The following INPP5A variants were observed in gnomAD, a reference collection of about 807,000 sequenced individuals.
INPP5A encodes inositol polyphosphate-5-phosphatase A, also known as 43 kDa inositol polyphosphate 5-phophatase.
INPP5A carries 14 observed loss-of-function variants against 65.2 expected under a neutral mutation model. The observed-to-expected ratio is 0.21, with a 90% CI of 0.14 to 0.34. The LOEUF (loss-of-function observed/expected upper bound fraction) is 0.34. Ranked by LOEUF, INPP5A falls within the 10% of genes least tolerant of loss-of-function variation. The probability of loss-of-function intolerance (pLI) is 1.00; values close to 1 mark genes in which losing one functional copy is unlikely to be tolerated. For synonymous variants in INPP5A, 207 were observed against 208.3 expected (o/e 0.99, Z 0.05); for missense variants, 431 against 545.6 (o/e 0.79, Z 2.09).
rs944231172 is a variant in INPP5A, at chr10:132,650,234, G to A, written c.219-184G>A. 6.6e-6 allele frequency among the ~76,000 whole-genome samples: 1 copy of A among 152,198 alleles called. No individual in the cohort carries two copies. The highest frequency in any genetic ancestry group is 2.4e-5 in the African/African-American group (1 of 41,464). ...GGAGCTTGAGCTCTGCACATGCTGA[G>A]AGCTGAACGTGAGGCCAGCTCCTGC... On this transcript the variant is annotated intron_variant, in intron 3 of 15. Transcript: ENST00000368594. This position sits in a 1 kb window ranked among gnomAD's most constrained non-coding sequence, Gnocchi z 5.5.
intron 8 of INPP5A, among the ~76,000 whole-genome samples, chr10:132,723,586 C>T (rs1267890457): frequency 1.2e-5 from 1 of 86,634 alleles, no homozygotes; most frequent in African/African-American, 5.2e-5. Context: ...GGGGATTGGC[C>T]GTGTGGGGAT....
chr10:132,736,718 T>G (rs115063833), intron 9 of INPP5A, among the ~76,000 whole-genome samples: 9 of 152,210 alleles, frequency 5.9e-5, no homozygotes, highest in Admixed American at 2.6e-4. Context: ...CCTCAGACAT[T>G]CCTGGCGCCC....
At chr10:132,737,445 C>A (rs1846198003) in intron 9 of INPP5A, among the ~76,000 whole-genome samples, 1 of 145,274 alleles carries the variant, frequency 6.9e-6, no homozygotes, top group South Asian at 2.1e-4. Context: ...GCAGCCCTGT[C>A]CTCCTACTGC....
Position 132,540,411 on chromosome 10 carries a change from G to A in INPP5A, c.75+2240G>A, listed in dbSNP as rs535042723. On this transcript the variant is annotated intron_variant, in intron 1 of 15. Transcript: ENST00000368594. The stretch of plus-strand genomic sequence containing the variant: ...ATGTTTAGAAGGAACATTTGTTTAG[G>A]TCAACAGTACATAGGTTAATTCTGA... Among the ~76,000 whole-genome samples, 48 of 152,344 alleles carry A rather than the reference G, an allele frequency of 3.2e-4. 1 individual carries two copies. Among genetic ancestry groups the A allele is most frequent in the African/African-American group, 1.1e-3 (45 of 41,568 alleles).
chr10:132,764,524 ACGGT>A (rs776518024), intron 11 of INPP5A, among the ~76,000 whole-genome samples: 19 of 137,988 alleles, frequency 1.4e-4, no homozygotes, highest in Non-Finnish European at 2.3e-4. Context: ...ACTCAGGAAC[ACGGT>A]CGGGCCAGTC....
intron 1 of INPP5A, among the ~76,000 whole-genome samples, chr10:132,553,841 T>C (rs1382238304): frequency 7.2e-6 from 1 of 138,518 alleles, no homozygotes; most frequent in Non-Finnish European, 1.5e-5. Context: ...GGAGGGAGGA[T>C]TGGTGAATGC....
At chr10:132,586,832 AGCGCGGCG>A (rs2071550965) in intron 1 of INPP5A, among the ~76,000 whole-genome samples, 3 of 152,226 alleles carry the variant, frequency 2.0e-5, no homozygotes, top group Admixed American at 6.5e-5. Flanking sequence ...GAGGCGGCGC[AGCGCGGCG>A]AGGCCACGGT....
chr10:132,670,521 C>G lies in INPP5A; in HGVS notation c.307-19871C>G, dbSNP rs542953587. On this transcript the variant is annotated intron_variant, in intron 4 of 15. Transcript: ENST00000368594. ...CCCCTGGCTGGCTTGCTTCTCAGCA[C>G]AGCCCTGGCCCAGAAGCAGGAGGAC... Among the ~76,000 whole-genome samples, 308 of 148,540 alleles carry G rather than the reference C, an allele frequency of 2.1e-3. 1 individual carries two copies. The highest frequency in any genetic ancestry group is 7.0e-3 in the African/African-American group (279 of 39,940).
intron 4 of INPP5A, among the ~76,000 whole-genome samples, chr10:132,661,776 A>G (rs1002659840): frequency 6.6e-6 from 1 of 152,036 alleles, no homozygotes; most frequent in Non-Finnish European, 1.5e-5. Flanking sequence ...CTACCTGATT[A>G]AGACTTCTTT....
intron 1 of INPP5A, among the ~76,000 whole-genome samples, chr10:132,571,198 T>C (rs2071337431): frequency 6.6e-6 from 1 of 152,258 alleles, no homozygotes. Context: ...CAGGTGCCTT[T>C]TGCTGAATGA....
intron 4 of INPP5A, among the ~76,000 whole-genome samples, chr10:132,670,242 C>T (rs1260734351): frequency 1.0e-5 from 1 of 97,684 alleles, no homozygotes. Flanking sequence ...CCCCCTGACC[C>T]CACACCCCCT....
intron 2 of INPP5A, among the ~76,000 whole-genome samples, chr10:132,612,840 TG>T (rs1308878716): frequency 1.3e-5 from 2 of 151,862 alleles, no homozygotes; most frequent in African/African-American, 2.4e-5. Context: ...GGCAGTGGGG[TG>T]GGGGTTGGAA....
chr10:132,688,458 G>A lies in INPP5A; in HGVS notation c.307-1934G>A, dbSNP rs1372014202. Among the ~76,000 whole-genome samples, 8 of 152,370 alleles carry A rather than the reference G, an allele frequency of 5.3e-5. No homozygotes were observed. The East Asian group carries it at 1.5e-3, about 29-fold the overall frequency. On this transcript the variant is annotated intron_variant, in intron 4 of 15. Transcript: ENST00000368594. ...TGGAATTAGGTGATGTTCAGGCATT[G>A]CCTTTGACTTTCTTAGAGAGACAAT...
rs1179843694 is a variant in INPP5A, at chr10:132,707,775, CAGTGAGAGGCATCGGTG to C, written c.475-537_475-521del. ...GGTGGCTCTGCTAGGTGGTGGGGAT[CAGTGAGAGGCATCGGTG>C]GGTGAGAGGCATCGGTGGGTGAACG... On this transcript the variant is annotated intron_variant, in intron 6 of 15. Coordinates refer to ENST00000368594, the MANE Select transcript of INPP5A (RefSeq NM_005539.5). The surrounding 1 kb of genome is among the most constrained non-coding windows in gnomAD (Gnocchi z 5.5). Among the ~76,000 whole-genome samples the C allele has an allele frequency of 6.6e-6, 1 of 151,944 alleles. No homozygotes were observed. The highest frequency in any genetic ancestry group is 1.5e-5 in the Non-Finnish European group (1 of 68,012).
At chr10:132,738,971 G>T (rs1846226819) in intron 9 of INPP5A, among the ~76,000 whole-genome samples, 1 of 152,196 alleles carries the variant, frequency 6.6e-6, no homozygotes, top group Admixed American at 6.5e-5. Context: ...TCGGGTCTAG[G>T]GTTCACCAGG....
rs1004896859 is a variant in INPP5A, at chr10:132,549,345, G to A, written c.75+11174G>A. The stretch of plus-strand genomic sequence containing the variant: ...CGTGCCCCGTCGAGTGGTGTGGAAG[G>A]ACTCTAGCTCTTCTGCATCATGCCA... On this transcript the variant is annotated intron_variant, in intron 1 of 15. Coordinates refer to ENST00000368594, the MANE Select transcript of INPP5A (RefSeq NM_005539.5). The surrounding 1 kb of genome is among the most constrained non-coding windows in gnomAD (Gnocchi z 4.9). 2.0e-5 allele frequency among the ~76,000 whole-genome samples: 3 copies of A among 152,176 alleles called. No homozygotes were observed. Among genetic ancestry groups the A allele is most frequent in the African/African-American group, 7.2e-5 (3 of 41,432 alleles).
chr10:132,756,445 T>C (rs1051670604), intron 11 of INPP5A, among the ~76,000 whole-genome samples: 6 of 148,626 alleles, frequency 4.0e-5, no homozygotes. Flanking sequence ...CGTCACATAA[T>C]GTCGTTTCAG....
In INPP5A at chr10:132,650,574, T is replaced by C; in HGVS notation, c.306+69T>C. ...CCTTGGCAGAAGCCAGCCCTTCTCCTGTGTAAATGGAGAGAGGTCGGGGTG... is the reference window on the plus strand; with the variant it reads ...CCTTGGCAGAAGCCAGCCCTTCTCCCGTGTAAATGGAGAGAGGTCGGGGTG... On this transcript the variant is annotated intron_variant, in intron 4 of 15. Transcript: ENST00000368594. The surrounding 1 kb of genome is among the most constrained non-coding windows in gnomAD (Gnocchi z 5.5). 8.9e-7 allele frequency: 1 copy of C among 1,124,116 alleles called. No individual in the cohort carries two copies. The highest frequency in any genetic ancestry group is 1.3e-6 in the Non-Finnish European group (1 of 742,392). 69.6% of individuals were successfully genotyped at this position (1,124,116 alleles called of 1,614,324 possible). A position where few individuals can be genotyped will look rare whatever the true frequency, so the allele number is the denominator to read the frequency against.
Position 132,705,779 on chromosome 10 carries a change from G to C in INPP5A, c.475-2534G>C, listed in dbSNP as rs1209110871. On this transcript the variant is annotated intron_variant, in intron 6 of 15. Transcript: ENST00000368594. The surrounding 1 kb of genome is among the most constrained non-coding windows in gnomAD (Gnocchi z 4.9). ...GTCTGTGGGTGCCTCAGTATCACTG[G>C]GGAGCAGAGAGCCCAGACCTTTTAC... 6.6e-6 allele frequency among the ~76,000 whole-genome samples: 1 copy of C among 152,160 alleles called. No homozygotes were observed. The highest frequency in any genetic ancestry group is 1.5e-5 in the Non-Finnish European group (1 of 68,030).
Sources: gnomAD v4.1 joint callset for allele counts (sites outside exome capture counted in the v4.1 genomes callset) on GRCh38, gnomAD v4.1.1 for gene constraint, Gnocchi (gnomAD v3.1) non-coding constraint, MANE v1.5 for transcripts, NCBI Gene and HGNC (gene_info 2026-07-23, HGNC 2026-07-21) for gene names.